Variants in NEBL observed in about 807,000 individuals in gnomAD.
NEBL encodes the protein nebulette, also known as LIM and SH3 protein 2.
In NEBL, 122 loss-of-function variants were observed where a neutral mutation model predicts 140.2. The observed-to-expected ratio is 0.87, with a 90% confidence interval of 0.75 to 1.01. NEBL has a LOEUF of 1.01. Among genes scored for constraint, NEBL ranks in the 50% least tolerant of loss-of-function variants. The pLI, the probability that NEBL is intolerant of heterozygous loss-of-function variation, is 0.00. For missense variants in NEBL, 1,365 were observed against 1,231.3 expected, an observed-to-expected ratio of 1.11 and a Z score of -1.62; for synonymous variants, 436 against 398.9, an observed-to-expected ratio of 1.09 and a Z score of -1.11.
intron 2 of NEBL, among the ~76,000 whole-genome samples, chr10:21,068,175 C>T (rs758761454): frequency 1.4e-4 from 21 of 152,132 alleles, no homozygotes; most frequent in Admixed American, 3.9e-4. Flanking sequence ...ATATTAATTA[C>T]ATGGTTTTAG....
chr10:20,930,238 C>T (rs1157237626), intron 4 of NEBL, among the ~76,000 whole-genome samples: 1 of 152,126 alleles, frequency 6.6e-6, no homozygotes, highest in Non-Finnish European at 1.5e-5. Flanking sequence ...TTACTAGAAA[C>T]AAAATTCTAG....
chr10:21,169,067 A>AAAAAATATAT (rs1554830679), intron 2 of NEBL, among the ~76,000 whole-genome samples: 20 of 23,062 alleles, frequency 8.7e-4, no homozygotes, highest in South Asian at 1.7e-3. Flanking sequence ...AAAAAAAAAA[A>AAAAAATATAT]ATATATATAT....
rs74122613 is a variant in NEBL, at chr10:21,047,252, T to C, written c.165-27051A>G. On this transcript the variant is annotated intron_variant, in intron 2 of 6. Transcript: ENST00000417816. ...GATCAACCCAAGTAACAGACACTGA[T>C]TATGGTCATGAATAAAGTGATGATT... 3.5e-3 allele frequency among the ~76,000 whole-genome samples: 538 copies of C among 152,314 alleles called. 3 individuals carry two copies. Among genetic ancestry groups the C allele is most frequent in the African/African-American group, 0.012 (513 of 41,570 alleles).
At chr10:20,992,381 G>A (rs1168602217) in intron 3 of NEBL, among the ~76,000 whole-genome samples, 1 of 152,210 alleles carries the variant, frequency 6.6e-6, no homozygotes, top group Non-Finnish European at 1.5e-5. Flanking sequence ...GACCTAGGCA[G>A]CATGAATTAG....
chr10:20,868,862 T>C lies in NEBL; in HGVS notation c.583-97A>G, dbSNP rs1037174915. Reference sequence around the variant, plus strand: ...AAAAAAAAAAAATAACAGACCTTCATCTCATTAATATTCCTTACAACACAT... The same window carrying C: ...AAAAAAAAAAAATAACAGACCTTCACCTCATTAATATTCCTTACAACACAT... On this transcript the variant is annotated intron_variant, in intron 6 of 27. Transcript: ENST00000377122. 3 of 814,612 alleles carry C rather than the reference T, an allele frequency of 3.7e-6. No individual in the cohort carries two copies. The Admixed American group carries it at 5.9e-5, about 16-fold the overall frequency. 50.5% of individuals were successfully genotyped at this position (814,612 alleles called of 1,614,324 possible). A position where few individuals can be genotyped will look rare whatever the true frequency, so the allele number is the denominator to read the frequency against.
In NEBL at chr10:20,855,070, G is replaced by A. The variant is rs145041513; in HGVS notation, c.904-2421C>T. Among the ~76,000 whole-genome samples, 1,456 of 151,784 alleles carry A rather than the reference G, an allele frequency of 9.6e-3. 10 individuals are homozygous for A. The highest frequency in any genetic ancestry group is 0.017 in the African/African-American group (702 of 41,414). ...CAAACTCTATCTCTACTACAAATAC[G>A]AAATTAGCTGGGAGTGGTGGGGTGC... On this transcript the variant is annotated intron_variant, in intron 9 of 27. Coordinates refer to ENST00000377122, the MANE Select transcript of NEBL (RefSeq NM_006393.3).
intron 26 of NEBL, among the ~76,000 whole-genome samples, chr10:20,805,807 C>G (rs1837559972): frequency 6.6e-6 from 1 of 151,626 alleles, no homozygotes. Context: ...GAGCCAAGAT[C>G]ACGTTACTGC....
rs1003897309 is a variant in NEBL at position 20,834,646 on chromosome 10, T to C, written c.1449+867A>G. Among the ~76,000 whole-genome samples the C allele has an allele frequency of 1.1e-4, 16 of 152,188 alleles. No homozygotes were observed. In the East Asian group the frequency reaches 1.7e-3, roughly 16 times the overall value. On this transcript the variant is annotated intron_variant, in intron 14 of 27. Coordinates refer to ENST00000377122, the MANE Select transcript of NEBL (RefSeq NM_006393.3). The stretch of plus-strand genomic sequence containing the variant: ...AAAGATCACACAACAGGTCTCAGGA[T>C]ACTCCACTGAAGCCCCCACCTAACC...
chr10:21,135,207 T>C (rs749562188), intron 2 of NEBL, among the ~76,000 whole-genome samples: 1 of 152,158 alleles, frequency 6.6e-6, no homozygotes, highest in Non-Finnish European at 1.5e-5. Flanking sequence ...GAAAACACAT[T>C]TTCCTCTTCC....
chr10:21,278,708 T>G (rs909756560), intron 1 of NEBL, among the ~76,000 whole-genome samples: 1 of 151,478 alleles, frequency 6.6e-6, no homozygotes, highest in African/African-American at 2.4e-5. Context: ...AGAGAAGGAG[T>G]TTTAGAACCA....
intron 3 of NEBL, among the ~76,000 whole-genome samples, chr10:21,223,900 T>C (rs1008574523): frequency 1.3e-5 from 2 of 152,226 alleles, no homozygotes; most frequent in African/African-American, 2.4e-5. Context: ...CTTTTCCTAT[T>C]GTTTTGAGCT....
rs118084218 is a variant in NEBL, at chr10:21,057,942, A to C, written c.165-37741T>G. The stretch of plus-strand genomic sequence containing the variant: ...CCGAATTTCATCAGTAAATCATATA[A>C]TCGTGAACACCAGCTTACTCCACCA... On this transcript the variant is annotated intron_variant, in intron 2 of 6. Transcript: ENST00000417816. Among the ~76,000 whole-genome samples the C allele has an allele frequency of 2.9e-4, 44 of 152,274 alleles. 1 individual carries two copies. In the East Asian group the frequency reaches 8.3e-3, roughly 29 times the overall value.
At chr10:21,123,779 A>C (rs533799649) in intron 2 of NEBL, among the ~76,000 whole-genome samples, 1 of 150,512 alleles carries the variant, frequency 6.6e-6, no homozygotes, top group Admixed American at 6.6e-5. Flanking sequence ...TTCAACATAT[A>C]TAATTTTATA....
intron 1 of NEBL, among the ~76,000 whole-genome samples, chr10:21,263,142 G>A (rs1160990921): frequency 6.6e-6 from 1 of 152,146 alleles, no homozygotes; most frequent in Admixed American, 6.5e-5. Context: ...TTATGTTCTG[G>A]GCATTGTTCT....
chr10:21,288,667 A>G (rs1843093756), intron 1 of NEBL, among the ~76,000 whole-genome samples: 2 of 147,378 alleles, frequency 1.4e-5, no homozygotes, highest in Admixed American at 1.4e-4. Context: ...AGGCTGAGGC[A>G]GAGAATTGCT....
At chr10:20,870,195 G>A (rs1844778224) in intron 5 of NEBL, among the ~76,000 whole-genome samples, 1 of 151,642 alleles carries the variant, frequency 6.6e-6, no homozygotes, top group Non-Finnish European at 1.5e-5. Flanking sequence ...GGCATGGTGT[G>A]TGCGCCTGTA....
intron 2 of NEBL, among the ~76,000 whole-genome samples, chr10:21,069,280 C>T (rs1189368985): frequency 6.6e-6 from 1 of 152,194 alleles, no homozygotes; most frequent in African/African-American, 2.4e-5. Flanking sequence ...GTTCTCCCTT[C>T]GTTTTTCATA....
intron 4 of NEBL, among the ~76,000 whole-genome samples, chr10:20,906,189 T>C (rs1848084800): frequency 6.6e-6 from 1 of 152,206 alleles, no homozygotes; most frequent in South Asian, 2.1e-4. Context: ...TTTCACACTT[T>C]TACATTTCTA....
chr10:21,233,041 C>T (rs999205522), intron 3 of NEBL, among the ~76,000 whole-genome samples: 5 of 152,092 alleles, frequency 3.3e-5, no homozygotes, highest in African/African-American at 7.2e-5. Context: ...AAGGACAATG[C>T]CTTTTCCTAT....
Sources: allele counts gnomAD v4.1 joint callset (sites outside exome capture counted in the v4.1 genomes callset), GRCh38; gene constraint gnomAD v4.1.1; transcripts MANE v1.5; gene names NCBI Gene and HGNC (gene_info 2026-07-23, HGNC 2026-07-21).